The following SGPP2 variants were observed in gnomAD, a reference collection of about 807,000 sequenced individuals.
SGPP2 encodes sphingosine-1-phosphate phosphatase 2, also known as sphingosine 1-phosphate phosphohydrolase 2.
In SGPP2, 30 loss-of-function variants were observed where a neutral mutation model predicts 33.9. That is an observed-to-expected ratio of 0.89 (90% CI 0.66 to 1.20). SGPP2 has a LOEUF of 1.20. Ranked by LOEUF, SGPP2 falls within the 50% of genes most tolerant of loss-of-function variation. The probability of loss-of-function intolerance (pLI) is 0.00; values close to 1 mark genes in which losing one functional copy is unlikely to be tolerated. For synonymous variants in SGPP2, 233 were observed against 225.0 expected, an observed-to-expected ratio of 1.04 and a Z score of -0.32; for missense variants, 458 against 532.1, an observed-to-expected ratio of 0.86 and a Z score of 1.37.
chr2:222,485,681 C>T (rs966072766), intron 2 of SGPP2, among the ~76,000 whole-genome samples: 6 of 152,170 alleles, frequency 3.9e-5, no homozygotes, highest in African/African-American at 1.2e-4. Context: ...TCCCCCTACA[C>T]GAATTTCCCA....
chr2:222,456,568 T>C (rs1383718498), intron 1 of SGPP2, among the ~76,000 whole-genome samples: 1 of 152,214 alleles, frequency 6.6e-6, no homozygotes, highest in African/African-American at 2.4e-5. Context: ...TGTTGAAGCA[T>C]ATTTATTGTA....
intron 4 of SGPP2, among the ~76,000 whole-genome samples, chr2:222,557,365 C>T (rs1382518265): frequency 6.6e-6 from 1 of 152,180 alleles, no homozygotes; most frequent in Non-Finnish European, 1.5e-5. Flanking sequence ...GTGAAACTTG[C>T]TGTTGCCTTA....
At chr2:222,464,463 T>C (rs1468775880) in intron 1 of SGPP2, among the ~76,000 whole-genome samples, 1 of 152,212 alleles carries the variant, frequency 6.6e-6, no homozygotes, top group Non-Finnish European at 1.5e-5. Flanking sequence ...AAATGCTGTG[T>C]CCTTCAAGTA....
At chr2:222,558,190 T>C (rs770644343) in intron 4 of SGPP2, among the ~76,000 whole-genome samples, 157 bp from the exon 5 acceptor site, 1 of 152,154 alleles carries the variant, frequency 6.6e-6, no homozygotes, top group Non-Finnish European at 1.5e-5. Context: ...CACTTCAAAG[T>C]TTTAGAACTT....
rs115649587 is a variant in SGPP2, at chr2:222,545,227, C to T, written c.649-13120C>T. Among the ~76,000 whole-genome samples, 944 of 151,298 alleles carry T rather than the reference C, an allele frequency of 6.2e-3. 7 individuals are homozygous for T. The highest frequency in any genetic ancestry group is 0.034 in the Middle Eastern group (10 of 292). ...TTTTTCTTTTTTAAAAACAGAACAA[C>T]GCTTAATGTAAACTTTGGCAATCAA... On this transcript the variant is annotated intron_variant, in intron 4 of 4. Coordinates refer to ENST00000321276, the MANE Select transcript of SGPP2 (RefSeq NM_152386.4).
At chr2:222,480,394 T>G (rs1022645152) in intron 2 of SGPP2, among the ~76,000 whole-genome samples, 1 of 152,236 alleles carries the variant, frequency 6.6e-6, no homozygotes, top group Non-Finnish European at 1.5e-5. Flanking sequence ...CTTCATGGCA[T>G]TCATAATGAG....
intron 2 of SGPP2, among the ~76,000 whole-genome samples, chr2:222,485,160 C>T (rs569296588): frequency 4.6e-5 from 7 of 152,314 alleles, no homozygotes; most frequent in East Asian, 1.9e-4. Flanking sequence ...TTTTCCACTG[C>T]GCCATGTTGC....
chr2:222,437,291 G>A (rs1326166929), intron 1 of SGPP2, among the ~76,000 whole-genome samples: 2 of 152,202 alleles, frequency 1.3e-5, no homozygotes, highest in African/African-American at 2.4e-5. Context: ...TGCACATCTG[G>A]CCACTTCTTC....
At chr2:222,438,643 C>T (rs557883239) in intron 1 of SGPP2, among the ~76,000 whole-genome samples, 7 of 152,212 alleles carry the variant, frequency 4.6e-5, no homozygotes, top group African/African-American at 1.2e-4. Context: ...TCTGGTACAG[C>T]AACTGCAATT....
chr2:222,484,279 C>G (rs965466491), intron 2 of SGPP2, among the ~76,000 whole-genome samples: 1 of 152,136 alleles, frequency 6.6e-6, no homozygotes, highest in Non-Finnish European at 1.5e-5. Context: ...TCCTGCTGCC[C>G]CTTCCCCACA....
At chr2:222,525,179 A>T in intron 4 of SGPP2, 146 bp downstream of exon 4, 1 of 618,750 alleles carries the variant, frequency 1.6e-6, no homozygotes, top group Non-Finnish European at 2.8e-6. Context: ...AGTAATTATT[A>T]TGTTCGGGTG....
chr2:222,496,979 C>T (rs191176746), intron 2 of SGPP2, among the ~76,000 whole-genome samples: 9 of 152,272 alleles, frequency 5.9e-5, no homozygotes, highest in African/African-American at 1.7e-4. Flanking sequence ...GAGGTCATTG[C>T]AGTTCAGGAT....
intron 2 of SGPP2, among the ~76,000 whole-genome samples, chr2:222,512,246 C>T (rs1363952004): frequency 6.6e-6 from 1 of 150,380 alleles, no homozygotes; most frequent in Non-Finnish European, 1.5e-5. Context: ...CTCCTGACCT[C>T]GTGATCCGCC....
chr2:222,478,721 G>A (rs921601932), intron 2 of SGPP2, among the ~76,000 whole-genome samples: 1 of 152,074 alleles, frequency 6.6e-6, no homozygotes, highest in African/African-American at 2.4e-5. Context: ...CCCTATATAG[G>A]TTTTATTGCT....
chr2:222,449,208 A>C (rs1270550924), intron 1 of SGPP2, among the ~76,000 whole-genome samples: 1 of 152,142 alleles, frequency 6.6e-6, no homozygotes, highest in African/African-American at 2.4e-5. Flanking sequence ...CTTCTCTAAG[A>C]CATTGAGGGT....
In SGPP2 at chr2:222,424,959, G is replaced by T. The variant is rs1027224032; in HGVS notation, c.219+138G>T. ...AGTGACCCGGCTCCCGCCGCTGCGA[G>T]CGGACGGGGAGGCCTGGCCTTCCAG... is the stretch of plus-strand genomic sequence containing the variant. On this transcript the variant is annotated intron_variant, in intron 1 of 4. Transcript: ENST00000321276. The T allele has an allele frequency of 5.8e-6, 4 of 693,972 alleles. No homozygotes were observed. The African/African-American group carries it at 7.5e-5, about 13-fold the overall frequency. 43.0% of individuals were successfully genotyped at this position (693,972 alleles called of 1,614,324 possible). A position where few individuals can be genotyped will look rare whatever the true frequency, so the allele number is the denominator to read the frequency against.
At chr2:222,485,372 C>T (rs942497441) in intron 2 of SGPP2, among the ~76,000 whole-genome samples, 6 of 152,326 alleles carry the variant, frequency 3.9e-5, no homozygotes, top group African/African-American at 4.8e-5. Context: ...TTCCCACCCC[C>T]GCATTTGACA....
intron 2 of SGPP2, among the ~76,000 whole-genome samples, chr2:222,480,206 C>A (rs1380850598): frequency 3.3e-5 from 5 of 152,146 alleles, no homozygotes; most frequent in African/African-American, 1.2e-4. Flanking sequence ...CTTCACTGAA[C>A]TTGGGAGGTA....
At chr2:222,490,662 C>T (rs1698183944) in intron 2 of SGPP2, among the ~76,000 whole-genome samples, 1 of 143,170 alleles carries the variant, frequency 7.0e-6, no homozygotes, top group Non-Finnish European at 1.5e-5. Context: ...CCAGGCTGGT[C>T]TCTAACTCCT....
Sources: gnomAD v4.1 joint callset for allele counts (sites outside exome capture counted in the v4.1 genomes callset) on GRCh38, gnomAD v4.1.1 for gene constraint, MANE v1.5 for transcripts, NCBI Gene and HGNC (gene_info 2026-07-23, HGNC 2026-07-21) for gene names.